Variants in XYLB observed in about 807,000 individuals in gnomAD.
The protein encoded by XYLB is xylulose kinase.
In XYLB, 62 loss-of-function variants were observed where a neutral mutation model predicts 78.7. The ratio of observed to expected loss-of-function variants is 0.79; its 90% confidence interval spans 0.64 to 0.97. The LOEUF (loss-of-function observed/expected upper bound fraction) is 0.97, where lower values mean the gene tolerates loss of function less well. Ranked by LOEUF, XYLB falls within the 50% of genes least tolerant of loss-of-function variation. XYLB has a pLI of 0.00. For synonymous variants in XYLB, 245 were observed against 247.4 expected (o/e 0.99, Z 0.09); for missense variants, 687 against 676.8 (o/e 1.02, Z -0.17).
At chr3:38,371,688 G>A (rs1036167369) in intron 9 of XYLB, among the ~76,000 whole-genome samples, 1 of 152,120 alleles carries the variant, frequency 6.6e-6, no homozygotes, top group Admixed American at 6.6e-5. Context: ...GTGCTCGGCC[G>A]TTTTTCTTGT....
the XYLB span, among the ~76,000 whole-genome samples, chr3:38,439,045 A>C: frequency 7.5e-4 from 114 of 152,274 alleles, 3 homozygotes; most frequent in East Asian, 0.021. Flanking sequence ...ATCCTCTTGT[A>C]AGACAGAAAA....
chr3:38,355,058 C>G (rs573091400), intron 2 of XYLB, among the ~76,000 whole-genome samples: 17 of 152,324 alleles, frequency 1.1e-4, no homozygotes, highest in Admixed American at 2.0e-4. Context: ...ACTGTAATTC[C>G]TCCCATCAAG....
chr3:38,365,984 C>T (rs560938807), intron 6 of XYLB, among the ~76,000 whole-genome samples: 1 of 151,986 alleles, frequency 6.6e-6, no homozygotes, highest in South Asian at 2.1e-4. Flanking sequence ...GGTACCCCCT[C>T]AATGAGAAGG....
At chr3:38,360,250 C>G in intron 2 of XYLB, 89 bp from the exon 3 acceptor site, 1 of 1,254,558 alleles carries the variant, frequency 8.0e-7, no homozygotes, top group Non-Finnish European at 1.2e-6. Context: ...CTGGACATTT[C>G]CAGAGTCATC....
At chr3:38,349,003 A>G (rs933143561) in intron 2 of XYLB, among the ~76,000 whole-genome samples, 7 of 152,216 alleles carry the variant, frequency 4.6e-5, no homozygotes, top group Non-Finnish European at 1.5e-5. Context: ...CTCTGAAGGA[A>G]AGGAACTCAC....
chr3:38,394,649 G>T (rs1575520066), intron 15 of XYLB, among the ~76,000 whole-genome samples: 1 of 152,178 alleles, frequency 6.6e-6, no homozygotes, highest in East Asian at 1.9e-4. Context: ...TCAAAATTTA[G>T]CAGCTTAAAA....
intron 2 of XYLB, among the ~76,000 whole-genome samples, chr3:38,353,878 C>T (rs6791689): frequency 0.067 from 4,663 of 69,596 alleles, 111 homozygotes; most frequent in South Asian, 0.11. Flanking sequence ...CAAAGTGAGA[C>T]TCCATATAAA....
At position 38,368,242 on chromosome 3, in the gene XYLB, A is replaced by G. The variant is rs367835960; in HGVS notation, c.631A>G (p.Ile211Val). The change falls in exon 8 of 19, where the codon ATT becomes GTT. Residue 211 changes from isoleucine (I) to valine (V), a missense_variant. Physicochemically the swap from Ile to Val is conservative, Grantham distance 29. Transcript: ENST00000207870. Reference sequence around the variant, plus strand: ...CCTGTTCCTTGGCTCTTACTCCCCTATTGACTACAGTGATGGTGAGCCTCG... The same window carrying G: ...CCTGTTCCTTGGCTCTTACTCCCCTGTTGACTACAGTGATGGTGAGCCTCG... ...ASLFLGSYSPIDYSDGSGMNL... is the reference protein window; with the variant it reads ...ASLFLGSYSPVDYSDGSGMNL... The G allele has an allele frequency of 6.2e-7, 1 of 1,613,952 alleles. No individual in the cohort carries two copies. The highest frequency in any genetic ancestry group is 2.2e-5 in the East Asian group (1 of 44,860).
intron 3 of XYLB, among the ~76,000 whole-genome samples, chr3:38,362,680 A>C (rs756611025): frequency 6.6e-6 from 1 of 152,206 alleles, no homozygotes; most frequent in East Asian, 1.9e-4. Flanking sequence ...AAAAATGGAG[A>C]AGTAAAATTT....
downstream of XYLB, among the ~76,000 whole-genome samples, chr3:38,415,730 C>T (rs938458636): frequency 1.6e-4 from 25 of 151,970 alleles, no homozygotes; most frequent in African/African-American, 6.0e-4. Context: ...TGCAGTGAGC[C>T]GAGATTGTGC....
chr3:38,411,006 T>C (rs1708558088), intron 18 of XYLB, among the ~76,000 whole-genome samples: 1 of 152,184 alleles, frequency 6.6e-6, no homozygotes, highest in South Asian at 2.1e-4. Flanking sequence ...AGAAATACCA[T>C]TTGACCCAGC....
chr3:38,374,377 C>T, intron 10 of XYLB, 85 bp from the exon 11 acceptor site: 1 of 1,602,192 alleles, frequency 6.2e-7, no homozygotes, highest in South Asian at 1.1e-5. Flanking sequence ...GGTGGGGGCT[C>T]TGCGCCTGCC....
rs753186765 is a variant in XYLB at position 38,375,126 on chromosome 3, C to T, written c.889-18C>T. 3.7e-6 allele frequency: 6 copies of T among 1,608,040 alleles called. No homozygotes were observed. The East Asian group carries it at 1.3e-4, about 36-fold the overall frequency. ...TGGGCAAAGCCCAAGGTGCCCACCT[C>T]TGCCTATCTCTCCTCAGGTCAGCCT... On this transcript the variant is annotated intron_variant, in intron 11 of 18. Transcript: ENST00000207870.
intron 15 of XYLB, among the ~76,000 whole-genome samples, chr3:38,382,588 G>A (rs543285225): frequency 3.3e-5 from 5 of 152,248 alleles, no homozygotes; most frequent in South Asian, 2.1e-4. Context: ...GTAAAAAGAC[G>A]TTTCCTAAAG....
At chr3:38,376,016 G>T in intron 12 of XYLB, 101 bp from the exon 13 acceptor site, 1 of 812,938 alleles carries the variant, frequency 1.2e-6, no homozygotes, top group Admixed American at 1.7e-5. Flanking sequence ...TCGTGGTCCA[G>T]CCTGACCTGC....
the XYLB span, among the ~76,000 whole-genome samples, chr3:38,443,985 G>A: frequency 1.1e-4 from 16 of 151,830 alleles, no homozygotes; most frequent in South Asian, 4.2e-4. Flanking sequence ...CTTGCTGACC[G>A]GTAGGGAATT....
rs1406584814 is a variant in XYLB at position 38,362,999 on chromosome 3, C to T, written c.273C>T (p.Ala91=). 3 of 1,569,406 alleles carry T rather than the reference C, an allele frequency of 1.9e-6. No homozygotes were observed. Among genetic ancestry groups the T allele is most frequent in the African/African-American group, 2.7e-5 (2 of 73,232 alleles). ...GCTTCGACTTCTCTCAAGTCCTAGC[C>T]TTGTCCGGGGCGGGCCAGGTTCGTT... ...ASGFDFSQVL[A]LSGAGQQHGS... is the part of the protein sequence containing the mutation. The change falls in exon 4 of 19, where the codon GCC becomes GCT. Residue 91 remains alanine (A), a synonymous_variant. Coordinates refer to ENST00000207870, the MANE Select transcript of XYLB (RefSeq NM_005108.4).
intron 18 of XYLB, among the ~76,000 whole-genome samples, chr3:38,408,646 A>G (rs1708436789): frequency 1.3e-5 from 2 of 151,842 alleles, no homozygotes; most frequent in South Asian, 4.2e-4. Flanking sequence ...TAGCAAGACT[A>G]ATAAAGAAGA....
At chr3:38,401,090 T>C (rs1052027557) in intron 18 of XYLB, 105 bp downstream of exon 18, 8 of 949,702 alleles carry the variant, frequency 8.4e-6, no homozygotes, top group African/African-American at 3.3e-5. Flanking sequence ...TGTGCTCAAC[T>C]AAAGGAGAAA....
Sources: gnomAD v4.1 joint callset for allele counts (sites outside exome capture counted in the v4.1 genomes callset) on GRCh38, gnomAD v4.1.1 for gene constraint, MANE v1.5 for transcripts, NCBI Gene and HGNC (gene_info 2026-07-23, HGNC 2026-07-21) for gene names.